The following IL1RAPL1 variants were observed in gnomAD, a reference collection of about 807,000 sequenced individuals.
IL1RAPL1 encodes interleukin 1 receptor accessory protein like 1.
A neutral mutation model predicts 48.4 loss-of-function variants in IL1RAPL1; 3 were observed. The observed-to-expected ratio is 0.06, with a 90% CI of 0.03 to 0.16. The LOEUF is 0.16. IL1RAPL1 is among the 10% of genes least tolerant of loss of function. The pLI is 1.00. For synonymous variants in IL1RAPL1, 185 were observed against 187.7 expected, an observed-to-expected ratio of 0.99 and a Z score of 0.12; for missense variants, 349 against 530.6, an observed-to-expected ratio of 0.66 and a Z score of 3.36.
chrX:29,879,301 G>C (rs1032212451), intron 6 of IL1RAPL1, among the ~76,000 whole-genome samples: 4 of 107,604 alleles, frequency 3.7e-5, no homozygotes, highest in Non-Finnish European at 7.7e-5. Flanking sequence ...TAAGACTTTG[G>C]GGGTGATGAA....
intron 6 of IL1RAPL1, among the ~76,000 whole-genome samples, chrX:29,841,470 G>GT (rs1420465759): frequency 9.0e-6 from 1 of 111,010 alleles, no homozygotes; most frequent in Non-Finnish European, 1.9e-5. Flanking sequence ...AAAATTCGGG[G>GT]TTTTGGCTAT....
intron 6 of IL1RAPL1, among the ~76,000 whole-genome samples, chrX:29,766,661 TTAATATA>T (rs1287067759): frequency 3.2e-5 from 3 of 94,384 alleles, no homozygotes; most frequent in South Asian, 4.1e-4. Context: ...ATATTATATA[TTAATATA>T]TAATATATAA....
intron 5 of IL1RAPL1, among the ~76,000 whole-genome samples, chrX:29,539,328 G>A (rs186634329): frequency 8.9e-6 from 1 of 111,798 alleles, no homozygotes; most frequent in African/African-American, 3.3e-5. Flanking sequence ...CATCTCAATA[G>A]ATGTGAAAAA....
chrX:29,006,647 ATGTGTGTGTGTG>A (rs547186942), intron 2 of IL1RAPL1, among the ~76,000 whole-genome samples: 48 of 76,929 alleles, frequency 6.2e-4, no homozygotes, highest in East Asian at 1.8e-3. Context: ...GTTTATATAT[ATGTGTGTGTGTG>A]TGTGTGTGTG....
At chrX:29,589,662 C>A (rs1326093158) in intron 5 of IL1RAPL1, among the ~76,000 whole-genome samples, 2 of 111,177 alleles carry the variant, frequency 1.8e-5, no homozygotes, top group Non-Finnish European at 1.9e-5. Context: ...ATTTCCTAAA[C>A]TGTGCTATTA....
intron 5 of IL1RAPL1, among the ~76,000 whole-genome samples, chrX:29,421,997 T>A (rs184328915): frequency 1.6e-4 from 18 of 111,869 alleles, no homozygotes; most frequent in African/African-American, 4.9e-4. Context: ...TATTAACGTG[T>A]GCATGAGGAG....
chrX:29,172,716 C>A (rs1291725489), intron 2 of IL1RAPL1, among the ~76,000 whole-genome samples: 3 of 111,772 alleles, frequency 2.7e-5, no homozygotes, highest in African/African-American at 9.8e-5. Context: ...GAGCCCTCAT[C>A]AGATAGGTCT....
In IL1RAPL1 at chrX:29,905,117, T is replaced by C. The variant is rs192526620; in HGVS notation, c.779-12347T>C. On this transcript the variant is annotated intron_variant, in intron 6 of 10. Transcript: ENST00000378993. ...GTGGTTTTGATTTGCATTTCTCTAA[T>C]GATCAGTGATAATGAGCTTTTTTCA... is the stretch of plus-strand genomic sequence containing the variant. Among the ~76,000 whole-genome samples the C allele has an allele frequency of 1.2e-4, 13 of 112,689 alleles. No individual in the cohort carries two copies. In the East Asian group the frequency reaches 3.6e-3, roughly 31 times the overall value.
At chrX:29,063,074 G>C (rs1927376091) in intron 2 of IL1RAPL1, among the ~76,000 whole-genome samples, 1 of 111,251 alleles carries the variant, frequency 9.0e-6, no homozygotes, top group South Asian at 3.8e-4. Context: ...CATAAGTGGA[G>C]ATTGATATAC....
intron 6 of IL1RAPL1, among the ~76,000 whole-genome samples, chrX:29,727,473 C>A (rs1226875302): frequency 4.5e-5 from 5 of 112,204 alleles, no homozygotes; most frequent in Non-Finnish European, 9.4e-5. Flanking sequence ...GGTCCCCTAA[C>A]ACATCTATTT....
chrX:28,615,012 C>T (rs1204488559), intron 1 of IL1RAPL1, among the ~76,000 whole-genome samples: 3 of 110,066 alleles, frequency 2.7e-5, no homozygotes, highest in Non-Finnish European at 5.7e-5. Flanking sequence ...CCTCAGCCTC[C>T]GGAGTAGCTG....
intron 1 of IL1RAPL1, among the ~76,000 whole-genome samples, chrX:28,606,178 A>C (rs1934081027): frequency 8.9e-6 from 1 of 112,192 alleles, no homozygotes; most frequent in South Asian, 3.7e-4. Flanking sequence ...TATCCCAAGC[A>C]CTGAGAATGC....
In IL1RAPL1 at chrX:29,559,531, G is replaced by A. The variant is rs762182131; in HGVS notation, c.704-108899G>A. On this transcript the variant is annotated intron_variant, in intron 5 of 10. Coordinates refer to ENST00000378993, the MANE Select transcript of IL1RAPL1 (RefSeq NM_014271.4). ...CTTGTTAGTGTTCTGCTCAGATTCT[G>A]TATTTCTTAATGATTCAGTCTTGGT... Among the ~76,000 whole-genome samples, 42 of 111,718 alleles carry A rather than the reference G, an allele frequency of 3.8e-4. No individual in the cohort carries two copies. In the South Asian group the frequency reaches 0.015, roughly 40 times the overall value.
At chrX:29,853,971 C>G (rs1457038527) in intron 6 of IL1RAPL1, among the ~76,000 whole-genome samples, 1 of 112,078 alleles carries the variant, frequency 8.9e-6, no homozygotes, top group Non-Finnish European at 1.9e-5. Flanking sequence ...TTAAAAGTGA[C>G]TAACGTATTT....
chrX:29,156,076 A>G (rs2147501778), intron 2 of IL1RAPL1, among the ~76,000 whole-genome samples: 1 of 111,318 alleles, frequency 9.0e-6, no homozygotes, highest in African/African-American at 3.3e-5. Flanking sequence ...AGTGTGCATA[A>G]GTATTGCACT....
At chrX:29,245,942 A>C (rs76266291) in intron 2 of IL1RAPL1, among the ~76,000 whole-genome samples, 6 of 111,288 alleles carry the variant, frequency 5.4e-5, no homozygotes, top group Non-Finnish European at 1.1e-4. Context: ...ACCAAAACAA[A>C]AACACCTTCA....
intron 5 of IL1RAPL1, among the ~76,000 whole-genome samples, chrX:29,610,671 A>G (rs2147067958): frequency 8.9e-6 from 1 of 112,074 alleles, no homozygotes; most frequent in South Asian, 3.7e-4. Context: ...AATTCCCTGA[A>G]CTCCTTGCAG....
intron 1 of IL1RAPL1, among the ~76,000 whole-genome samples, chrX:28,607,307 T>A (rs1601832447): frequency 9.0e-6 from 1 of 111,180 alleles, no homozygotes; most frequent in East Asian, 2.8e-4. Context: ...GGGTGAATGA[T>A]AAGCTTATAT....
Position 28,789,369 on chromosome X carries a change from T to G in IL1RAPL1, c.26T>G (p.Ile9Ser). Reference protein sequence around the residue: MKAPIPHLILLYATFTQSL... With the variant: MKAPIPHLSLLYATFTQSL... The stretch of plus-strand genomic sequence containing the variant: ...ATGAAAGCTCCGATTCCACACTTGA[T>G]TCTCTTATACGCTACTTTTACTCAG... The change falls in exon 2 of 11, where the codon ATT becomes AGT. Residue 9 changes from isoleucine (I) to serine (S), a missense_variant. Physicochemically the swap from Ile to Ser is moderately radical, Grantham distance 142. Transcript: ENST00000378993. The G allele has an allele frequency of 8.3e-7, 1 of 1,209,993 alleles. No individual in the cohort carries two copies. The highest frequency in any genetic ancestry group is 1.1e-6 in the Non-Finnish European group (1 of 893,833).
Sources: allele counts gnomAD v4.1 joint callset (sites outside exome capture counted in the v4.1 genomes callset), GRCh38; gene constraint gnomAD v4.1.1; transcripts MANE v1.5; gene names NCBI Gene and HGNC (gene_info 2026-07-23, HGNC 2026-07-21).